Variants in FBN3 observed in about 807,000 individuals in gnomAD.
The protein encoded by FBN3 is fibrillin-3.
A neutral mutation model predicts 330.1 loss-of-function variants in FBN3; 234 were observed. The observed-to-expected ratio is 0.71, with a 90% CI of 0.64 to 0.79. The LOEUF (loss-of-function observed/expected upper bound fraction) is 0.79. Ranked by LOEUF, FBN3 falls within the 30% of genes least tolerant of loss-of-function variation. The pLI, the probability that FBN3 is intolerant of heterozygous loss-of-function variation, is 0.00. For missense variants in FBN3, 3,606 were observed against 3,886.9 expected, an observed-to-expected ratio of 0.93 and a Z score of 1.92; for synonymous variants, 1,458 against 1,517.3, an observed-to-expected ratio of 0.96 and a Z score of 0.91.
chr19:8,148,028 A>G (rs1204036179), intron 1 of FBN3, among the ~76,000 whole-genome samples: 1 of 152,026 alleles, frequency 6.6e-6, no homozygotes, highest in Non-Finnish European at 1.5e-5. Context: ...GAGGGCATTG[A>G]GGAGATTCCC....
chr19:8,136,948 T>C lies in FBN3; in HGVS notation c.1202-417A>G, dbSNP rs1306422180. Among the ~76,000 whole-genome samples the C allele has an allele frequency of 6.3e-3, 360 of 57,340 alleles. 2 individuals carry two copies. Among genetic ancestry groups the C allele is most frequent in the African/African-American group, 0.012 (120 of 10,164 alleles). The allele number at this position is 57,340 out of a possible 152,430, so 37.6% of individuals were successfully genotyped here. A position where few individuals can be genotyped will look rare whatever the true frequency, so the allele number is the denominator to read the frequency against. On this transcript the variant is annotated intron_variant, in intron 10 of 63. Coordinates refer to ENST00000600128, the MANE Select transcript of FBN3 (RefSeq NM_032447.5). The stretch of plus-strand genomic sequence containing the variant: ...GGGCCTGGATCCCTCCAACCTGGGG[T>C]CTAGATACCTCCAACCTGGGGCCTG...
Position 8,087,112 on chromosome 19 carries a change from A to C in FBN3, c.6719T>G (p.Met2240Arg), listed in dbSNP as rs149882309. The C allele has an allele frequency of 6.2e-7, 1 of 1,610,524 alleles. No individual in the cohort carries two copies. Among genetic ancestry groups the C allele is most frequent in the South Asian group, 1.1e-5 (1 of 90,916 alleles). Residue 2240 changes from methionine to arginine, a missense_variant, in exon 54 of 64, where the codon ATG becomes AGG. Met to Arg is a moderately conservative substitution (Grantham distance 91). Coordinates refer to ENST00000600128, the MANE Select transcript of FBN3 (RefSeq NM_032447.5). ...CTCCCCAGAGCCAGGCAGGGGCCGC[A>C]TGCCTGGGGGACAGACGCACGCGAA... ...GTFACVCPPG[M>R]RPLPGSGEGC... is the part of the protein sequence containing the mutation.
In FBN3 at chr19:8,126,538, G is replaced by A. The variant is rs1317415248; in HGVS notation, c.2484C>T (p.Ala828=). Residue 828 remains alanine (A), a synonymous_variant, in exon 20 of 64, where the codon GCC becomes GCT. Transcript: ENST00000600128. ...ESRCEVNLQG[A]SLRSECCATL... ...TGGCGCAGCACTCAGACCGCAGGCT[G>A]GCTCCCTGAAGGTTCACCTCACAGC... 1 of 1,613,086 alleles carries A rather than the reference G, an allele frequency of 6.2e-7. No homozygotes were observed. The highest frequency in any genetic ancestry group is 1.3e-5 in the African/African-American group (1 of 75,066).
At position 8,065,998 on chromosome 19, in the gene FBN3, G is replaced by C; in HGVS notation, c.8351C>G (p.Pro2784Arg). The part of the protein sequence containing the change: ...RLEVVSHMAG[P>R]WGVQPEGQPG... Reference sequence around the variant, plus strand: ...CTGCCCCTCTGGCTGGACACCCCAGGGTCCTGCCATGTGGCTCACCACCTC... The same window carrying C: ...CTGCCCCTCTGGCTGGACACCCCAGCGTCCTGCCATGTGGCTCACCACCTC... Residue 2784 changes from proline to arginine, a missense_variant, in exon 64 of 64, where the codon CCC (proline) becomes CGC (arginine). By Grantham distance (103) the Pro-to-Arg change is moderately radical. Coordinates refer to ENST00000600128, the MANE Select transcript of FBN3 (RefSeq NM_032447.5). 6.2e-7 allele frequency: 1 copy of C among 1,612,984 alleles called. No individual in the cohort carries two copies. Among genetic ancestry groups the C allele is most frequent in the Non-Finnish European group, 8.5e-7 (1 of 1,179,992 alleles).
intron 54 of FBN3, among the ~76,000 whole-genome samples, chr19:8,086,748 G>A (rs934329544): frequency 2.0e-5 from 3 of 151,264 alleles, no homozygotes; most frequent in South Asian, 2.1e-4. Flanking sequence ...GATTACAGGC[G>A]TGAGGCACCG....
chr19:8,106,263 G>A, intron 37 of FBN3, 30 bp from the exon 38 acceptor site: 1 of 1,613,672 alleles, frequency 6.2e-7, no homozygotes, highest in Non-Finnish European at 8.5e-7. Context: ...CCAAGCTTGG[G>A]AGCTAAACCC....
At position 8,144,863 on chromosome 19, in the gene FBN3, C is replaced by T. The variant is rs772081615; in HGVS notation, c.541+14G>A. ...GAGTCCCCTGTCTACCTCCCACCCG[C>T]GCATGCTTGGTACCTCTCTCACATT... On this transcript the variant is annotated intron_variant, in intron 6 of 63. Transcript: ENST00000600128. 29 of 1,585,676 alleles carry T rather than the reference C, an allele frequency of 1.8e-5. No homozygotes were observed. Among genetic ancestry groups the T allele is most frequent in the Middle Eastern group, 1.7e-4 (1 of 6,034 alleles).
intron 29 of FBN3, among the ~76,000 whole-genome samples, 179 bp downstream of exon 29, chr19:8,116,495 G>A (rs2082707292): frequency 6.6e-6 from 1 of 152,206 alleles, no homozygotes; most frequent in African/African-American, 2.4e-5. Context: ...GACTTGGGGT[G>A]CTGGGGACCC....
chr19:8,125,687 A>T (rs2082961114), intron 22 of FBN3, among the ~76,000 whole-genome samples: 1 of 151,376 alleles, frequency 6.6e-6, no homozygotes, highest in Non-Finnish European at 1.5e-5. Context: ...GCTACTCAGG[A>T]GGCTGAGGCA....
In FBN3 at chr19:8,109,145, C is replaced by T. The variant is rs976717909; in HGVS notation, c.4618+82G>A. The T allele has an allele frequency of 3.9e-5, 53 of 1,373,988 alleles. No individual in the cohort carries two copies. The highest frequency in any genetic ancestry group is 4.8e-5 in the Non-Finnish European group (48 of 1,001,520). The allele number at this position is 1,373,988 out of a possible 1,614,324, so 85.1% of individuals were successfully genotyped here. A position where few individuals can be genotyped will look rare whatever the true frequency, so the allele number is the denominator to read the frequency against. The stretch of plus-strand genomic sequence containing the variant: ...TCCTGTCGCCTAAGCCCCCCACCAC[C>T]GCCATTAGCAGAGGTGACCCCCTAA... On this transcript the variant is annotated intron_variant, in intron 36 of 63. Coordinates refer to ENST00000600128, the MANE Select transcript of FBN3 (RefSeq NM_032447.5). The surrounding 1 kb of genome is among the most constrained non-coding windows in gnomAD (Gnocchi z 5.2).
At chr19:8,085,333 C>T in intron 56 of FBN3, 30 bp downstream of exon 56, 1 of 1,543,096 alleles carries the variant, frequency 6.5e-7, no homozygotes, top group Non-Finnish European at 8.7e-7. Context: ...TTCTTGCCTC[C>T]CTGGGGGTCC....
Position 8,141,843 on chromosome 19 carries a change from C to T in FBN3, c.740-1G>A. On this transcript the variant is annotated splice_acceptor_variant, in intron 7 of 63. Coordinates refer to ENST00000600128, the MANE Select transcript of FBN3 (RefSeq NM_032447.5). LOFTEE classifies it high-confidence loss of function. ...GGCACAGCCTGGCACTCATCCACATCTGCAAGGACAAAGCCCGGCAGGGGA... is the reference window on the plus strand; with the variant it reads ...GGCACAGCCTGGCACTCATCCACATTTGCAAGGACAAAGCCCGGCAGGGGA... The T allele has an allele frequency of 6.2e-7, 1 of 1,614,086 alleles. No homozygotes were observed. Among genetic ancestry groups the T allele is most frequent in the Non-Finnish European group, 8.5e-7 (1 of 1,179,946 alleles).
At chr19:8,101,048 C>G in intron 40 of FBN3, 76 bp from the exon 41 acceptor site, 2 of 1,244,660 alleles carry the variant, frequency 1.6e-6, no homozygotes, top group South Asian at 2.6e-5. Context: ...GAGGGGACAC[C>G]TCATCCCTGG....
intron 46 of FBN3, 67 bp from the exon 47 acceptor site, chr19:8,094,632 C>T: frequency 2.6e-6 from 4 of 1,542,538 alleles, no homozygotes; most frequent in South Asian, 1.2e-5. Flanking sequence ...GGGACTGGGA[C>T]CAACACCTGC....
chr19:8,110,684 G>A (rs547398531), intron 34 of FBN3, among the ~76,000 whole-genome samples, 161 bp downstream of exon 34: 2 of 152,184 alleles, frequency 1.3e-5, no homozygotes, highest in Admixed American at 6.5e-5. Flanking sequence ...GAACAGGAAC[G>A]GGAAATGATG....
Position 8,097,286 on chromosome 19 carries a change from C to A in FBN3, c.5287+3G>T. On this transcript the variant is annotated splice_donor_region_variant and intron_variant, in intron 42 of 63. Transcript: ENST00000600128. The stretch of plus-strand genomic sequence containing the variant: ...CAGGGCTGGGAACAGGGAGAGGTGG[C>A]ACCTTCACAAGCCAGCAGGATGCTG... The A allele has an allele frequency of 1.2e-6, 2 of 1,602,694 alleles. No individual in the cohort carries two copies.
rs2082166076 is a variant in FBN3 at position 8,094,431 on chromosome 19, G to A, written c.5905+15C>T. ...CTCCCTGGCGCCAGAAACGGGAGTGGGGCTGGACACTCACCAATGCAGTGG... is the reference window on the plus strand; with the variant it reads ...CTCCCTGGCGCCAGAAACGGGAGTGAGGCTGGACACTCACCAATGCAGTGG... On this transcript the variant is annotated intron_variant, in intron 47 of 63. Transcript: ENST00000600128. The A allele has an allele frequency of 6.2e-7, 1 of 1,603,812 alleles. No individual in the cohort carries two copies. Among genetic ancestry groups the A allele is most frequent in the East Asian group, 2.2e-5 (1 of 44,542 alleles).
intron 41 of FBN3, among the ~76,000 whole-genome samples, chr19:8,100,351 CAA>C (rs201560844): frequency 7.1e-6 from 1 of 140,790 alleles, no homozygotes; most frequent in Non-Finnish European, 1.6e-5. Context: ...TTCTCGGAGA[CAA>C]AAAAAAAAAA....
In FBN3 at chr19:8,117,164, C is replaced by G. The variant is rs2082724052; in HGVS notation, c.3586+5G>C. Reference sequence around the variant, plus strand: ...AGGCAGTGGGAAGAAGTTGTGCCCACCTACCTGCACATGCCCTTCCGTCGG... The same window carrying G: ...AGGCAGTGGGAAGAAGTTGTGCCCAGCTACCTGCACATGCCCTTCCGTCGG... On this transcript the variant is annotated splice_donor_5th_base_variant and intron_variant, in intron 28 of 63. Transcript: ENST00000600128. The G allele has an allele frequency of 6.2e-7, 1 of 1,613,988 alleles. No individual in the cohort carries two copies. Among genetic ancestry groups the G allele is most frequent in the South Asian group, 1.1e-5 (1 of 91,066 alleles).
Sources: allele counts gnomAD v4.1 joint callset (sites outside exome capture counted in the v4.1 genomes callset), GRCh38; gene constraint gnomAD v4.1.1; non-coding constraint Gnocchi (gnomAD v3.1); transcripts MANE v1.5; gene names NCBI Gene and HGNC (gene_info 2026-07-23, HGNC 2026-07-21).